COLEC10: variants seen among roughly 807,000 people sequenced by gnomAD.
COLEC10 encodes the protein collectin subfamily member 10.
Under a neutral mutation model 28.4 loss-of-function variants are expected in COLEC10, and 22 were observed. The ratio of observed to expected loss-of-function variants is 0.78; its 90% CI spans 0.55 to 1.11. The LOEUF is 1.11. Among genes scored for constraint, COLEC10 ranks in the 50% least tolerant of loss-of-function variants. The probability of loss-of-function intolerance (pLI) is 0.00; values close to 1 mark genes in which losing one functional copy is unlikely to be tolerated. For missense variants in COLEC10, 361 were observed against 344.1 expected (o/e 1.05, Z -0.39); for synonymous variants, 125 against 116.1 (o/e 1.08, Z -0.49).
chr8:119,090,866 C>A (rs1563740942), intron 2 of COLEC10, among the ~76,000 whole-genome samples: 1 of 152,170 alleles, frequency 6.6e-6, no homozygotes, highest in Non-Finnish European at 1.5e-5. Context: ...CTTCTCTAAC[C>A]TTTCTTTTAA....
the COLEC10 span, among the ~76,000 whole-genome samples, chr8:118,956,556 C>G: frequency 1.3e-5 from 2 of 152,160 alleles, no homozygotes; most frequent in African/African-American, 4.8e-5. Context: ...TCCAGTCACT[C>G]TAGTCACTTC....
intron 1 of COLEC10, among the ~76,000 whole-genome samples, chr8:119,069,950 T>C (rs971460196): frequency 3.6e-4 from 55 of 152,106 alleles, no homozygotes; most frequent in Non-Finnish European, 5.3e-4. Flanking sequence ...AACAGTGAAA[T>C]GAATTTTCCC....
At chr8:119,103,322 T>C (rs1219011328) in intron 4 of COLEC10, among the ~76,000 whole-genome samples, 1 of 152,232 alleles carries the variant, frequency 6.6e-6, no homozygotes, top group African/African-American at 2.4e-5. Flanking sequence ...GTATTTTAAA[T>C]GGATAATTAG....
At chr8:119,086,605 A>G (rs1815485772) in intron 1 of COLEC10, among the ~76,000 whole-genome samples, 1 of 152,154 alleles carries the variant, frequency 6.6e-6, no homozygotes, top group Non-Finnish European at 1.5e-5. Context: ...CCAGATCTCC[A>G]TCAAGAGCCA....
At chr8:119,008,249 T>A (rs1813841359) in intron 1 of COLEC10, among the ~76,000 whole-genome samples, 1 of 150,766 alleles carries the variant, frequency 6.6e-6, no homozygotes, top group Non-Finnish European at 1.5e-5. Context: ...TTGTAAGCAG[T>A]AAGTGAAAAG....
chr8:119,045,792 CAT>C (rs1554625438), intron 2 of COLEC10, among the ~76,000 whole-genome samples: 2 of 152,144 alleles, frequency 1.3e-5, no homozygotes, highest in Non-Finnish European at 2.9e-5. Flanking sequence ...CCTCTGTTTA[CAT>C]GTTTGCTATT....
chr8:119,075,072 C>T (rs1166158708), intron 1 of COLEC10, among the ~76,000 whole-genome samples: 2 of 152,180 alleles, frequency 1.3e-5, no homozygotes, highest in Admixed American at 6.5e-5. Flanking sequence ...TCCTGTTTAT[C>T]GTTCTTCCTT....
chr8:119,055,058 T>G (rs1814739070), intron 2 of COLEC10, among the ~76,000 whole-genome samples: 1 of 152,138 alleles, frequency 6.6e-6, no homozygotes, highest in African/African-American at 2.4e-5. Context: ...GATTATTTAT[T>G]AGGCACATGC....
chr8:119,054,617 ATCAC>A (rs1483101825), intron 2 of COLEC10, among the ~76,000 whole-genome samples: 6 of 152,120 alleles, frequency 3.9e-5, no homozygotes, highest in Non-Finnish European at 7.4e-5. Context: ...GGCATCTGAA[ATCAC>A]TCACATCATT....
At chr8:119,065,863 AAAAAGAAAAAAG>A (rs1198727941), upstream of COLEC10, among the ~76,000 whole-genome samples, 1 of 151,744 alleles carries the variant, frequency 6.6e-6, no homozygotes, top group Non-Finnish European at 1.5e-5. Context: ...CTCAAAAAAA[AAAAAGAAAAAAG>A]AAAAGAAAAA....
chr8:119,090,455 A>G (rs1815567632), intron 2 of COLEC10, among the ~76,000 whole-genome samples: 1 of 152,204 alleles, frequency 6.6e-6, no homozygotes, highest in South Asian at 2.1e-4. Context: ...AAAATCTTGA[A>G]TAGTTTAAAA....
At chr8:118,971,440 C>A in the COLEC10 span, among the ~76,000 whole-genome samples, 1 of 151,940 alleles carries the variant, frequency 6.6e-6, no homozygotes, top group Non-Finnish European at 1.5e-5. Flanking sequence ...GTACCACACA[C>A]CATTGTAAAC....
At chr8:119,099,236 A>C (rs138567605) in intron 3 of COLEC10, among the ~76,000 whole-genome samples, 9 of 152,068 alleles carry the variant, frequency 5.9e-5, no homozygotes, top group Admixed American at 3.9e-4. Flanking sequence ...ATGACTTTAA[A>C]TCATAATTTG....
At chr8:119,036,110 CAG>C (rs1306341480) in intron 2 of COLEC10, among the ~76,000 whole-genome samples, 5 of 152,120 alleles carry the variant, frequency 3.3e-5, no homozygotes, top group African/African-American at 1.2e-4. Flanking sequence ...AAAACAGACA[CAG>C]AGTGTTAAAA....
chr8:119,022,785 A>G (rs1814122265), intron 2 of COLEC10, among the ~76,000 whole-genome samples: 1 of 152,152 alleles, frequency 6.6e-6, no homozygotes, highest in African/African-American at 2.4e-5. Flanking sequence ...AATGTAAGCC[A>G]GATCAGGTTC....
At chr8:119,011,692 T>C (rs942529400) in intron 2 of COLEC10, among the ~76,000 whole-genome samples, 11 of 151,048 alleles carry the variant, frequency 7.3e-5, no homozygotes, top group African/African-American at 2.5e-4. Flanking sequence ...TAGACTTATA[T>C]CTAAGTATTT....
the COLEC10 span, among the ~76,000 whole-genome samples, chr8:118,962,008 C>G: frequency 6.6e-6 from 1 of 152,144 alleles, no homozygotes; most frequent in Non-Finnish European, 1.5e-5. Context: ...AACCAATCAC[C>G]CCCCTGTTGT....
At chr8:118,975,450 G>T in the COLEC10 span, among the ~76,000 whole-genome samples, 1 of 151,954 alleles carries the variant, frequency 6.6e-6, no homozygotes, top group Admixed American at 6.6e-5. Flanking sequence ...ATAACTCATT[G>T]TGTCATTCAC....
At chr8:119,033,005 A>G (rs1384765960) in intron 2 of COLEC10, among the ~76,000 whole-genome samples, 1 of 152,154 alleles carries the variant, frequency 6.6e-6, no homozygotes, top group Non-Finnish European at 1.5e-5. Context: ...GCTCTCTCGA[A>G]TTTTTCCATC....
Sources: gnomAD v4.1 joint callset for allele counts (sites outside exome capture counted in the v4.1 genomes callset) on GRCh38, gnomAD v4.1.1 for gene constraint, MANE v1.5 for transcripts, NCBI Gene and HGNC (gene_info 2026-07-23, HGNC 2026-07-21) for gene names.